LARP4B: variants seen among roughly 807,000 people sequenced by gnomAD.
LARP4B encodes La ribonucleoprotein 4B, also known as la-related protein 4B.
In LARP4B, 12 loss-of-function variants were observed where a neutral mutation model predicts 89.8. The ratio of observed to expected loss-of-function variants is 0.13; its 90% CI spans 0.09 to 0.22. LARP4B has a LOEUF of 0.22. LARP4B is among the 10% of genes least tolerant of loss of function. The pLI, the probability that LARP4B is intolerant of heterozygous loss-of-function variation, is 1.00. For synonymous variants in LARP4B, 367 were observed against 363.3 expected, an observed-to-expected ratio of 1.01 and a Z score of -0.12; for missense variants, 757 against 947.7, an observed-to-expected ratio of 0.80 and a Z score of 2.64.
At chr10:972,756 G>A in the LARP4B span, 2 of 456,878 alleles carry the variant, frequency 4.4e-6, no homozygotes, top group South Asian at 1.5e-5. Flanking sequence ...ATAAGGCAGA[G>A]AAAAGTAGTT....
At chr10:972,862 C>T in the LARP4B span, 1 of 456,872 alleles carries the variant, frequency 2.2e-6, no homozygotes, top group Non-Finnish European at 4.4e-6. Context: ...ACAGAGAATG[C>T]TGGCAGTTCT....
intron 3 of LARP4B, among the ~76,000 whole-genome samples, chr10:874,931 C>T (rs1835397338): frequency 6.6e-6 from 1 of 152,146 alleles, no homozygotes; most frequent in African/African-American, 2.4e-5. Flanking sequence ...CATTTTGTCA[C>T]ACGTCTTAAT....
chr10:821,037 C>G, intron 13 of LARP4B, 192 bp from the exon 14 acceptor site: 1 of 586,338 alleles, frequency 1.7e-6, no homozygotes, highest in Non-Finnish European at 3.0e-6. Flanking sequence ...AAGTTGACAG[C>G]AAGGGACTAA....
intron 11 of LARP4B, among the ~76,000 whole-genome samples, chr10:826,696 C>G (rs1443268578): frequency 6.6e-6 from 1 of 152,194 alleles, no homozygotes; most frequent in Non-Finnish European, 1.5e-5. Context: ...TATCTCGCTC[C>G]TTATGCTCCT....
At chr10:895,347 T>C (rs1836153761) in intron 1 of LARP4B, among the ~76,000 whole-genome samples, 1 of 151,932 alleles carries the variant, frequency 6.6e-6, no homozygotes, top group Admixed American at 6.6e-5. Flanking sequence ...GAAATAATAC[T>C]AAATGTGTAA....
At chr10:976,432 G>A in the LARP4B span, among the ~76,000 whole-genome samples, 2 of 149,246 alleles carry the variant, frequency 1.3e-5, no homozygotes, top group South Asian at 4.3e-4. Context: ...ATGTAGGCCT[G>A]CCGCGTAATG....
chr10:909,068 GCA>G lies in LARP4B; in HGVS notation c.-40+22358_-40+22359del, dbSNP rs1836584413. On this transcript the variant is annotated intron_variant, in intron 1 of 17. Transcript: ENST00000316157. ...CCAGCACTTTGGGAGGCTGAGGCGG[GCA>G]GATCACAAGGTCAGGAGATCAAGAT... Among the ~76,000 whole-genome samples the G allele has an allele frequency of 3.3e-5, 5 of 152,252 alleles. No homozygotes were observed. In the East Asian group the frequency reaches 9.7e-4, roughly 29 times the overall value.
At chr10:829,636 C>A in intron 10 of LARP4B, 42 bp from the exon 11 acceptor site, 7 of 1,609,744 alleles carry the variant, frequency 4.3e-6, no homozygotes, top group Non-Finnish European at 6.0e-6. Context: ...TACTTAAGAA[C>A]ATCAATTTGC....
chr10:855,631 C>T (rs1384045753), intron 5 of LARP4B, among the ~76,000 whole-genome samples: 1 of 152,076 alleles, frequency 6.6e-6, no homozygotes, highest in Non-Finnish European at 1.5e-5. Context: ...TCATCGATCA[C>T]CACTAGCATT....
intron 1 of LARP4B, among the ~76,000 whole-genome samples, chr10:916,626 T>C (rs1370739378): frequency 6.6e-6 from 1 of 152,106 alleles, no homozygotes; most frequent in Non-Finnish European, 1.5e-5. Context: ...ATCTGTGAGG[T>C]GGAGGTTGCA....
chr10:864,278 G>C lies in LARP4B; in HGVS notation c.142-8C>G. 3.1e-6 allele frequency: 5 copies of C among 1,613,956 alleles called. No homozygotes were observed. Among genetic ancestry groups the C allele is most frequent in the Non-Finnish European group, 3.4e-6 (4 of 1,179,854 alleles). On this transcript the variant is annotated splice_region_variant and splice_polypyrimidine_tract_variant and intron_variant, in intron 3 of 17. Coordinates refer to ENST00000316157, the MANE Select transcript of LARP4B (RefSeq NM_015155.3). ...AACCTTAGTTGCTGGTACCTAGGAAGAAATGTAAGATAGACATTTGTATCC... is the reference window on the plus strand; with the variant it reads ...AACCTTAGTTGCTGGTACCTAGGAACAAATGTAAGATAGACATTTGTATCC...
chr10:930,947 C>A (rs1051986848), intron 1 of LARP4B, among the ~76,000 whole-genome samples: 2 of 150,368 alleles, frequency 1.3e-5, no homozygotes, highest in Non-Finnish European at 3.0e-5. Flanking sequence ...GGCCTGGGGG[C>A]GCTCGCGGCC....
At chr10:844,711 G>A (rs1343313393) in intron 6 of LARP4B, among the ~76,000 whole-genome samples, 2 of 152,074 alleles carry the variant, frequency 1.3e-5, no homozygotes, top group East Asian at 3.9e-4. Flanking sequence ...GTGTGAGGAA[G>A]TCTGACTCGG....
chr10:941,576 C>A, the LARP4B span, among the ~76,000 whole-genome samples: 1 of 152,202 alleles, frequency 6.6e-6, no homozygotes, highest in Non-Finnish European at 1.5e-5. Context: ...CCCGCCTTGG[C>A]CTCCCAAGTG....
chr10:820,689 T>A, intron 14 of LARP4B, 111 bp downstream of exon 14: 1 of 991,460 alleles, frequency 1.0e-6, no homozygotes, highest in East Asian at 2.4e-5. Flanking sequence ...TTACAAGTCT[T>A]TTGAAATGCT....
At chr10:898,423 G>A (rs1347397659) in intron 1 of LARP4B, among the ~76,000 whole-genome samples, 2 of 152,176 alleles carry the variant, frequency 1.3e-5, no homozygotes, top group African/African-American at 4.8e-5. Context: ...GTATCTGCCT[G>A]AAAACCTGTA....
chr10:829,170 C>T (rs1277009370), intron 11 of LARP4B, among the ~76,000 whole-genome samples: 1 of 152,178 alleles, frequency 6.6e-6, no homozygotes, highest in African/African-American at 2.4e-5. Context: ...AGAGGGGAGA[C>T]GGGCTGTGCA....
chr10:867,805 G>T (rs1306853160), intron 3 of LARP4B, among the ~76,000 whole-genome samples: 1 of 144,568 alleles, frequency 6.9e-6, no homozygotes, highest in Non-Finnish European at 1.5e-5. Flanking sequence ...AGGTTGCAGT[G>T]AGCTGAGATA....
the LARP4B span, among the ~76,000 whole-genome samples, chr10:942,967 G>C: frequency 7.2e-6 from 1 of 139,626 alleles, no homozygotes; most frequent in Admixed American, 7.3e-5. Flanking sequence ...TTTTTTTTGA[G>C]ACAGAGTCTC....
Sources: allele counts gnomAD v4.1 joint callset (sites outside exome capture counted in the v4.1 genomes callset), GRCh38; gene constraint gnomAD v4.1.1; transcripts MANE v1.5; gene names NCBI Gene and HGNC (gene_info 2026-07-23, HGNC 2026-07-21).